Variants in CR2 observed in about 807,000 individuals in gnomAD.
The protein encoded by CR2 is complement receptor type 2.
In CR2, 96 loss-of-function variants were observed where a neutral mutation model predicts 123.0. That is an observed-to-expected ratio of 0.78 (90% CI 0.66 to 0.93). The LOEUF (loss-of-function observed/expected upper bound fraction) is 0.93, where lower values mean the gene tolerates loss of function less well. Among genes scored for constraint, CR2 ranks in the 40% least tolerant of loss-of-function variants. CR2 has a pLI of 0.00. For missense variants in CR2, 1,258 were observed against 1,361.0 expected (o/e 0.92, Z 1.19); for synonymous variants, 484 against 469.5 (o/e 1.03, Z -0.40).
chr1:207,466,111 A>T (rs896838599), intron 1 of CR2, among the ~76,000 whole-genome samples: 4 of 152,216 alleles, frequency 2.6e-5, no homozygotes, highest in African/African-American at 9.6e-5. Context: ...GACTTGCCTG[A>T]GGTCACACAG....
chr1:207,479,163 T>G (rs1437935494), intron 16 of CR2, 94 bp from the exon 17 acceptor site: 1 of 946,980 alleles, frequency 1.1e-6, no homozygotes, highest in African/African-American at 1.6e-5. Flanking sequence ...GGAGCTAGAG[T>G]GTTGATTTCT....
chr1:207,457,543 C>A (rs61821130), intron 1 of CR2, among the ~76,000 whole-genome samples: 14,113 of 152,190 alleles, frequency 0.093, 701 homozygotes, highest in African/African-American at 0.11. Context: ...ACTCAAATTT[C>A]GTTATCTCCT....
At chr1:207,470,691 G>A in intron 6 of CR2, 49 bp from the exon 7 acceptor site, 2 of 1,571,700 alleles carry the variant, frequency 1.3e-6, no homozygotes, top group Non-Finnish European at 8.7e-7. Flanking sequence ...GTTTCTTTCT[G>A]TGGTTGTTTA....
At chr1:207,482,246 T>G (rs2102312850) in intron 18 of CR2, among the ~76,000 whole-genome samples, 1 of 152,296 alleles carries the variant, frequency 6.6e-6, no homozygotes, top group Non-Finnish European at 1.5e-5. Flanking sequence ...TTGCATAAAT[T>G]TTTAAAATAC....
At chr1:207,468,332 A>G in intron 2 of CR2, 195 bp from the exon 3 acceptor site, 1 of 615,232 alleles carries the variant, frequency 1.6e-6, no homozygotes, top group Non-Finnish European at 2.8e-6. Flanking sequence ...TTCTTAAACC[A>G]TTATGAGATT....
rs148752694 is a variant in CR2 at position 207,463,330 on chromosome 1, G to T, written c.59-3196G>T. Among the ~76,000 whole-genome samples the T allele has an allele frequency of 4.0e-3, 605 of 152,190 alleles. 3 individuals are homozygous for T. The highest frequency in any genetic ancestry group is 0.012 in the African/African-American group (486 of 41,512). ...TCTTCCAAAAGAGATCTGAGTAATT[G>T]CCACATACTTTTTAAAATAAATAAG... On this transcript the variant is annotated intron_variant, in intron 1 of 19. Transcript: ENST00000367057.
At chr1:207,475,555 A>ATT (rs1216100583) in intron 14 of CR2, among the ~76,000 whole-genome samples, 1 of 152,198 alleles carries the variant, frequency 6.6e-6, no homozygotes, top group Non-Finnish European at 1.5e-5. Context: ...ATTATTTGAT[A>ATT]TTTAAGGCTA....
chr1:207,468,601 G>C lies in CR2; in HGVS notation c.520G>C (p.Ala174Pro), dbSNP rs370389616. ...CACAAGTGAGAATGTTGGCTCCATT[G>C]CTCCAGGATTGTCTGTGACTTACAG... Reference protein sequence around the residue: ...HHTSENVGSIAPGLSVTYSCE... With the variant: ...HHTSENVGSIPPGLSVTYSCE... Residue 174 changes from alanine to proline, a missense_variant, in exon 3 of 20, where the codon GCT (alanine) becomes CCT (proline). Ala to Pro is a conservative substitution (Grantham distance 27, BLOSUM62 -1). Transcript: ENST00000367057. 1.1e-4 allele frequency: 178 copies of C among 1,613,846 alleles called. No individual in the cohort carries two copies. Among genetic ancestry groups the C allele is most frequent in the Non-Finnish European group, 1.5e-4 (174 of 1,179,966 alleles).
intron 15 of CR2, 106 bp downstream of exon 15, chr1:207,476,525 G>A (rs1658446537): frequency 3.0e-6 from 3 of 985,988 alleles, no homozygotes; most frequent in South Asian, 2.9e-5. Context: ...TGAATTAACT[G>A]TCTGATTACA....
chr1:207,461,927 C>A (rs1372780105), intron 1 of CR2, among the ~76,000 whole-genome samples: 1 of 152,092 alleles, frequency 6.6e-6, no homozygotes, highest in Non-Finnish European at 1.5e-5. Context: ...GTGCTCCATG[C>A]TTCCTTTTAC....
intron 9 of CR2, among the ~76,000 whole-genome samples, chr1:207,472,296 A>T (rs1169171094): frequency 6.6e-6 from 1 of 152,112 alleles, no homozygotes; most frequent in East Asian, 1.9e-4. Context: ...AACACTACAG[A>T]CTTCAAATTA....
chr1:207,467,014 T>A, intron 2 of CR2, 102 bp downstream of exon 2: 1 of 1,350,900 alleles, frequency 7.4e-7, no homozygotes, highest in Non-Finnish European at 9.9e-7. Context: ...GAACATGTAA[T>A]GATGAGGGTG....
At chr1:207,482,853 T>G (rs1452241196) in intron 18 of CR2, among the ~76,000 whole-genome samples, 1 of 151,950 alleles carries the variant, frequency 6.6e-6, no homozygotes, top group Admixed American at 6.6e-5. Context: ...TTCCATCATG[T>G]GTTGTGAGAA....
intron 18 of CR2, among the ~76,000 whole-genome samples, chr1:207,481,314 G>A (rs1658596576): frequency 6.6e-6 from 1 of 151,696 alleles, no homozygotes; most frequent in South Asian, 2.1e-4. Flanking sequence ...TTCTTTATCA[G>A]ATAAAGCACG....
intron 18 of CR2, among the ~76,000 whole-genome samples, chr1:207,484,077 A>G (rs968747539): frequency 3.3e-5 from 5 of 152,246 alleles, no homozygotes; most frequent in Non-Finnish European, 4.4e-5. Flanking sequence ...ATTTCAGCCA[A>G]GAGGCATTAG....
chr1:207,487,132 G>A (rs1558200112), intron 19 of CR2, among the ~76,000 whole-genome samples: 1 of 152,340 alleles, frequency 6.6e-6, no homozygotes, highest in East Asian at 1.9e-4. Context: ...ACTAAGAAGT[G>A]AAGGAGCAGC....
intron 19 of CR2, 22 bp from the exon 20 acceptor site, chr1:207,489,120 A>G (rs1658823005): frequency 6.6e-6 from 1 of 152,332 alleles, no homozygotes; most frequent in Non-Finnish European, 1.5e-5. Flanking sequence ...GCTGCCTCCT[A>G]AACAGAAATG....
chr1:207,482,948 C>T lies in CR2; in HGVS notation c.3189-2516C>T, dbSNP rs186003404. 1.3e-3 allele frequency among the ~76,000 whole-genome samples: 182 copies of T among 144,962 alleles called. 1 individual carries two copies. The highest frequency in any genetic ancestry group is 1.9e-3 in the Non-Finnish European group (126 of 66,662). On this transcript the variant is annotated intron_variant, in intron 18 of 19. Coordinates refer to ENST00000367057, the MANE Select transcript of CR2 (RefSeq NM_001006658.3). ...AAAGTGGCATAGCTTTAGGTGGAGACATGCCATTAAAGAAAAAAAAAAAAA... is the reference window on the plus strand; with the variant it reads ...AAAGTGGCATAGCTTTAGGTGGAGATATGCCATTAAAGAAAAAAAAAAAAA...
intron 17 of CR2, among the ~76,000 whole-genome samples, chr1:207,479,562 G>A (rs1443089512): frequency 6.6e-6 from 1 of 152,124 alleles, no homozygotes; most frequent in African/African-American, 2.4e-5. Flanking sequence ...ATTGAAATAG[G>A]CAGGCTTCTT....
Sources: gnomAD v4.1 joint callset for allele counts (sites outside exome capture counted in the v4.1 genomes callset) on GRCh38, gnomAD v4.1.1 for gene constraint, MANE v1.5 for transcripts, NCBI Gene and HGNC (gene_info 2026-07-23, HGNC 2026-07-21) for gene names.